TSPEAR: variants seen among roughly 807,000 people sequenced by gnomAD.
The protein encoded by TSPEAR is thrombospondin-type laminin G domain and EAR repeat-containing protein.
Under a neutral mutation model 71.6 loss-of-function variants are expected in TSPEAR, and 69 were observed. The ratio of observed to expected loss-of-function variants is 0.96; its 90% confidence interval spans 0.79 to 1.18. The LOEUF is 1.18. Ranked by LOEUF, TSPEAR falls within the 50% of genes most tolerant of loss-of-function variation. The pLI is 0.00. For missense variants in TSPEAR, 971 were observed against 894.9 expected, an observed-to-expected ratio of 1.09 and a Z score of -1.09; for synonymous variants, 402 against 387.2, an observed-to-expected ratio of 1.04 and a Z score of -0.45.
At chr21:44,696,271 T>G (rs892250851) in intron 1 of TSPEAR, among the ~76,000 whole-genome samples, 11 of 152,226 alleles carry the variant, frequency 7.2e-5, no homozygotes, top group Non-Finnish European at 1.6e-4. Flanking sequence ...CGCCCCGCTC[T>G]TCTCACACAA....
chr21:44,539,727 A>G (rs782148701), intron 2 of TSPEAR: 7 of 1,611,636 alleles, frequency 4.3e-6, no homozygotes, highest in South Asian at 1.1e-5. Context: ...ACAGGCACAC[A>G]GCAGGACTGC....
chr21:44,525,650 T>A lies in TSPEAR; in HGVS notation c.1336+3A>T. 6 of 1,613,916 alleles carry A rather than the reference T, an allele frequency of 3.7e-6. No individual in the cohort carries two copies. Among genetic ancestry groups the A allele is most frequent in the Non-Finnish European group, 5.1e-6 (6 of 1,179,876 alleles). ...CCCGGTGTGAAGGCCACTCCTGCCC[T>A]ACCTTCCCGGTGGTTGGCCACCGCC... On this transcript the variant is annotated splice_donor_region_variant and intron_variant, in intron 8 of 11. Transcript: ENST00000323084.
chr21:44,514,640 G>A lies in TSPEAR; in HGVS notation c.1567-5254C>T, dbSNP rs180695531. On this transcript the variant is annotated intron_variant, in intron 9 of 11. Transcript: ENST00000323084. ...CCACATTTGGTGACCGCGACTGCAC[G>A]GCCTACTCCTCGTCAGCTCAGGGAG... Among the ~76,000 whole-genome samples the A allele has an allele frequency of 9.0e-4, 137 of 152,280 alleles. 2 individuals carry two copies. The highest frequency in any genetic ancestry group is 3.1e-3 in the African/African-American group (129 of 41,550).
chr21:44,548,257 C>T (rs587634286), intron 2 of TSPEAR, among the ~76,000 whole-genome samples: 7 of 152,302 alleles, frequency 4.6e-5, no homozygotes, highest in South Asian at 2.1e-4. Flanking sequence ...ATCAGAAACT[C>T]GGGCTGCTGC....
rs1440537534 is a variant in TSPEAR at position 44,506,864 on chromosome 21, C to T, written c.1755-1983G>A. The T allele has an allele frequency of 6.6e-6, 1 of 152,130 alleles. No homozygotes were observed. The highest frequency in any genetic ancestry group is 6.5e-5 in the Admixed American group (1 of 15,276). The allele number at this position is 152,130 out of a possible 1,614,324, so 9.4% of individuals were successfully genotyped here. A position where few individuals can be genotyped will look rare whatever the true frequency, so the allele number is the denominator to read the frequency against. ...CTGCACCGAGGCTCACATCAGAAGC[C>T]GGCTTCGGTTTCACCACAAAATAAG... On this transcript the variant is annotated intron_variant, in intron 10 of 11. Coordinates refer to ENST00000323084, the MANE Select transcript of TSPEAR (RefSeq NM_144991.3). This position sits in a 1 kb window ranked among gnomAD's most constrained non-coding sequence, Gnocchi z 4.2.
intron 1 of TSPEAR, among the ~76,000 whole-genome samples, chr21:44,626,526 CA>C (rs34118482): frequency 0.14 from 21,709 of 152,106 alleles, 2,965 homozygotes; most frequent in African/African-American, 0.36. Context: ...TGTGCCTCAG[CA>C]AGGAGTGGGC....
intron 1 of TSPEAR, among the ~76,000 whole-genome samples, chr21:44,667,631 G>A (rs1985857191): frequency 3.3e-5 from 5 of 152,190 alleles, no homozygotes. Flanking sequence ...CCCATGGACA[G>A]CCACAGCAGG....
intron 2 of TSPEAR, chr21:44,539,181 A>AT (rs1438073835): frequency 7.5e-6 from 11 of 1,466,396 alleles, no homozygotes; most frequent in Middle Eastern, 2.5e-4. Context: ...ACCTCAGCAC[A>AT]GGGGAGACAC....
chr21:44,627,452 C>T, intron 1 of TSPEAR: 1 of 1,608,332 alleles, frequency 6.2e-7, no homozygotes, highest in Non-Finnish European at 8.5e-7. Flanking sequence ...ACCTCCTCCC[C>T]CTGCCAGCAG....
At chr21:44,670,926 A>G (rs895751556) in intron 1 of TSPEAR, among the ~76,000 whole-genome samples, 1 of 152,228 alleles carries the variant, frequency 6.6e-6, no homozygotes, top group Non-Finnish European at 1.5e-5. Flanking sequence ...GCAGGGGTTC[A>G]TGAACTTGCA....
Position 44,573,776 on chromosome 21 carries a change from C to T in TSPEAR, c.83-5771G>A, listed in dbSNP as rs368666574. The T allele has an allele frequency of 1.5e-5, 24 of 1,613,750 alleles. No individual in the cohort carries two copies. In the African/African-American group the frequency reaches 2.1e-4, roughly 14 times the overall value. On this transcript the variant is annotated intron_variant, in intron 1 of 11. Transcript: ENST00000323084. ...CATCCACCATGTCCGTCTGCTCCAG[C>T]GACCTGAGCTACAGCAGCCGCGTCT...
intron 3 of TSPEAR, among the ~76,000 whole-genome samples, chr21:44,531,530 G>C (rs73379246): frequency 0.041 from 6,218 of 152,296 alleles, 440 homozygotes; most frequent in African/African-American, 0.14. Flanking sequence ...CAAAGACTCT[G>C]TTTCCAGGTA....
At chr21:44,658,482 T>A (rs1555943053) in intron 1 of TSPEAR, 1 of 592,288 alleles carries the variant, frequency 1.7e-6, no homozygotes, top group Non-Finnish European at 3.0e-6. Context: ...CTTCTCTCAC[T>A]CCAGCAGGAA....
At chr21:44,505,983 T>C (rs1370726688) in intron 10 of TSPEAR, among the ~76,000 whole-genome samples, 2 of 152,128 alleles carry the variant, frequency 1.3e-5, no homozygotes, top group African/African-American at 4.8e-5. Flanking sequence ...TGTGCAGAAA[T>C]GGCGTCACAG....
chr21:44,648,757 A>G (rs1555940790), intron 1 of TSPEAR, among the ~76,000 whole-genome samples: 1 of 152,160 alleles, frequency 6.6e-6, no homozygotes, highest in Non-Finnish European at 1.5e-5. Flanking sequence ...GGGGAAAGGC[A>G]GGGACAGCCA....
At chr21:44,677,109 C>T (rs187682423) in intron 1 of TSPEAR, 5 of 716,376 alleles carry the variant, frequency 7.0e-6, no homozygotes, top group Non-Finnish European at 1.3e-5. Flanking sequence ...CTGCTTGGAC[C>T]TTTTTGACCA....
chr21:44,501,362 G>C (rs1009019870), intron 11 of TSPEAR, among the ~76,000 whole-genome samples: 1 of 152,194 alleles, frequency 6.6e-6, no homozygotes, highest in Non-Finnish European at 1.5e-5. Context: ...TTGGGAGGCC[G>C]AGGCGGGCAG....
In TSPEAR at chr21:44,702,802, C is replaced by T. The variant is rs1174155357; in HGVS notation, c.82+8631G>A. The T allele has an allele frequency of 7.6e-5, 93 of 1,220,576 alleles. 2 individuals carry two copies. Among genetic ancestry groups the T allele is most frequent in the South Asian group, 4.3e-4 (32 of 75,290 alleles). The allele number at this position is 1,220,576 out of a possible 1,614,324, so 75.6% of individuals were successfully genotyped here. On this transcript the variant is annotated intron_variant, in intron 1 of 11. Transcript: ENST00000323084. ...CTCAGGCCAGAAGCCCAGCTACTGA[C>T]GGGCACGTCCCCCAGGGCCAGCCAG...
intron 1 of TSPEAR, among the ~76,000 whole-genome samples, chr21:44,616,846 C>T (rs971386106): frequency 6.6e-6 from 1 of 152,210 alleles, no homozygotes; most frequent in African/African-American, 2.4e-5. Flanking sequence ...CGCCTGCCCA[C>T]TTGGGTGTAT....
Sources: allele counts gnomAD v4.1 joint callset (sites outside exome capture counted in the v4.1 genomes callset), GRCh38; gene constraint gnomAD v4.1.1; non-coding constraint Gnocchi (gnomAD v3.1); transcripts MANE v1.5; gene names NCBI Gene and HGNC (gene_info 2026-07-23, HGNC 2026-07-21).